PWWP2A: variants seen among roughly 807,000 people sequenced by gnomAD.
PWWP2A encodes PWWP domain-containing protein 2A.
A neutral mutation model predicts 48.5 loss-of-function variants in PWWP2A; 18 were observed. That is an observed-to-expected ratio of 0.37 (90% CI 0.26 to 0.55). The LOEUF (loss-of-function observed/expected upper bound fraction) is 0.55. Among genes scored for constraint, PWWP2A ranks in the 20% least tolerant of loss-of-function variants. PWWP2A has a pLI of 0.81. For missense variants in PWWP2A, 867 were observed against 976.4 expected (o/e 0.89, Z 1.49); for synonymous variants, 396 against 387.7 (o/e 1.02, Z -0.25).
the PWWP2A span, among the ~76,000 whole-genome samples, chr5:160,050,807 G>A: frequency 6.6e-6 from 1 of 151,716 alleles, no homozygotes; most frequent in Non-Finnish European, 1.5e-5. Flanking sequence ...TGTATTTCTT[G>A]TAGAGACAGC....
At chr5:160,079,226 C>A (rs1057336751) in intron 3 of PWWP2A, among the ~76,000 whole-genome samples, 7 of 152,070 alleles carry the variant, frequency 4.6e-5, no homozygotes, top group African/African-American at 1.7e-4. Flanking sequence ...AAACATTTCA[C>A]AGGAGGTACC....
chr5:160,055,583 C>T, the PWWP2A span, among the ~76,000 whole-genome samples: 7 of 152,244 alleles, frequency 4.6e-5, no homozygotes, highest in Non-Finnish European at 8.8e-5. Flanking sequence ...GGCATGATAT[C>T]AGGCCCTACC....
In PWWP2A at chr5:160,063,775, A is replaced by G. The variant is rs184836999; in HGVS notation, c.*237-102T>C. On this transcript the variant is annotated intron_variant and NMD_transcript_variant, in intron 4 of 5. Coordinates refer to the PWWP2A transcript ENST00000524050. ...ATTCCTAGTTTCAGATGTTCCTTAT[A>G]TCTTAAAACAGCATAAGAACTGTTT... The G allele has an allele frequency of 3.9e-5, 6 of 152,208 alleles. No individual in the cohort carries two copies. In the East Asian group the frequency reaches 7.7e-4, roughly 20 times the overall value. 9.4% of individuals were successfully genotyped at this position (152,208 alleles called of 1,614,324 possible). A position where few individuals can be genotyped will look rare whatever the true frequency, so the allele number is the denominator to read the frequency against.
At chr5:160,060,267 C>T (rs1378708412), downstream of PWWP2A, among the ~76,000 whole-genome samples, 2 of 152,202 alleles carry the variant, frequency 1.3e-5, no homozygotes, top group African/African-American at 4.8e-5. Flanking sequence ...GGGTAAACTG[C>T]CTGATGCACA....
intron 4 of PWWP2A, among the ~76,000 whole-genome samples, chr5:160,063,934 G>A (rs1048884741): frequency 3.4e-5 from 5 of 148,388 alleles, no homozygotes; most frequent in African/African-American, 1.2e-4. Context: ...GAGTCACCAT[G>A]CTTGGCAAGA....
the PWWP2A span, chr5:160,049,456 C>T: frequency 6.9e-7 from 1 of 1,439,864 alleles, no homozygotes; most frequent in East Asian, 2.4e-5. Context: ...TCTGATATAG[C>T]CAAAGATATG....
At position 160,118,849 on chromosome 5, in the gene PWWP2A, G is replaced by T; in HGVS notation, c.540C>A (p.Phe180Leu). Residue 180 changes from phenylalanine (F) to leucine (L), a missense_variant, in exon 1 of 2, where the codon TTC (phenylalanine) becomes TTA (leucine). By Grantham distance (22) the Phe-to-Leu change is conservative. Around this residue, in one of 4 missense-constraint regions of PWWP2A, gnomAD observed 385 missense variants for 396.9 expected, o/e 0.97. Coordinates refer to ENST00000307063, the MANE Select transcript of PWWP2A (RefSeq NM_001130864.2). ...IEDALVVSFR[F>L]GEKLFSGVLM... ...GGACCCCGGAGAAGAGCTTCTCCCCGAAGCGGAACGACACGACAAGCGCGT... is the reference window on the plus strand; with the variant it reads ...GGACCCCGGAGAAGAGCTTCTCCCCTAAGCGGAACGACACGACAAGCGCGT... 1 of 1,586,702 alleles carries T rather than the reference G, an allele frequency of 6.3e-7. No individual in the cohort carries two copies. Among genetic ancestry groups the T allele is most frequent in the South Asian group, 1.1e-5 (1 of 87,908 alleles).
exon 3 of PWWP2A, chr5:160,080,682 C>G (rs1419781752): frequency 1.3e-6 from 2 of 1,566,730 alleles, no homozygotes; most frequent in Non-Finnish European, 8.7e-7. Flanking sequence ...TCAATGCTCC[C>G]AGTCTGAATC....
chr5:160,062,235 C>T (rs917548364), intron 5 of PWWP2A: 10 of 152,202 alleles, frequency 6.6e-5, no homozygotes, highest in African/African-American at 1.9e-4. Context: ...TTCCTCTCGT[C>T]GGCAGTTTGA....
At chr5:160,049,940 G>A in the PWWP2A span, among the ~76,000 whole-genome samples, 2 of 152,028 alleles carry the variant, frequency 1.3e-5, no homozygotes, top group Non-Finnish European at 2.9e-5. Context: ...TTAGCCGGGT[G>A]TGGTCGTACA....
intron 1 of PWWP2A, among the ~76,000 whole-genome samples, chr5:160,097,863 G>C (rs79750225): frequency 6.6e-6 from 1 of 151,492 alleles, no homozygotes; most frequent in East Asian, 2.0e-4. Flanking sequence ...TTACAGACGC[G>C]AGCCATCACG....
chr5:160,087,342 T>C (rs77453591), downstream of PWWP2A, among the ~76,000 whole-genome samples: 2,689 of 147,596 alleles, frequency 0.018, 76 homozygotes, highest in African/African-American at 0.064. Flanking sequence ...ATCTCGCCAC[T>C]GCATTCCAGC....
intron 1 of PWWP2A, chr5:160,116,661 A>C (rs1250602523): frequency 4.1e-6 from 4 of 985,102 alleles, no homozygotes; most frequent in Non-Finnish European, 3.6e-6. Context: ...ATGAGCACTT[A>C]TCCATTCCAT....
chr5:160,119,254 A>C lies in PWWP2A; in HGVS notation c.135T>G (p.Thr45=). 1 of 1,409,834 alleles carries C rather than the reference A, an allele frequency of 7.1e-7. No homozygotes were observed. Among genetic ancestry groups the C allele is most frequent in the Non-Finnish European group, 9.2e-7 (1 of 1,092,674 alleles). 87.3% of individuals were successfully genotyped at this position (1,409,834 alleles called of 1,614,324 possible). A position where few individuals can be genotyped will look rare whatever the true frequency, so the allele number is the denominator to read the frequency against. The part of the protein sequence containing the change: ...AGTDPLPVTA[T]EASVPDGETD... ...TCTCGCCATCCGGCACAGACGCTTC[A>C]GTGGCCGTGACCGGGAGGGGGTCAG... The change falls in exon 1 of 2, where the codon ACT becomes ACG. Residue 45 remains threonine, a synonymous_variant. Coordinates refer to ENST00000307063, the MANE Select transcript of PWWP2A (RefSeq NM_001130864.2).
exon 6 of PWWP2A, chr5:160,061,883 A>G (rs1040031105): frequency 6.6e-6 from 1 of 152,402 alleles, no homozygotes; most frequent in Non-Finnish European, 1.5e-5. Context: ...CAGAGTTGGC[A>G]GACCCCTGTG....
intron 5 of PWWP2A, among the ~76,000 whole-genome samples, chr5:160,062,807 GTT>G (rs3832347): frequency 1.3e-5 from 2 of 149,860 alleles, no homozygotes; most frequent in African/African-American, 4.9e-5. Context: ...GCTTTTGATG[GTT>G]TTTTTTTTCC....
chr5:160,052,436 A>G, the PWWP2A span, among the ~76,000 whole-genome samples: 2 of 149,656 alleles, frequency 1.3e-5, no homozygotes, highest in Non-Finnish European at 3.0e-5. Context: ...GCAGTGAGCT[A>G]TGATGGTGCC....
intron 1 of PWWP2A, 66 bp downstream of exon 1, chr5:160,118,738 GC>G (rs1758401986): frequency 2.2e-6 from 3 of 1,337,022 alleles, no homozygotes; most frequent in Non-Finnish European, 2.9e-6. Context: ...GGGAGAGGGG[GC>G]CGCCCGGGCT....
chr5:160,090,723 T>C (rs960365765), downstream of PWWP2A: 25 of 952,952 alleles, frequency 2.6e-5, no homozygotes, highest in Non-Finnish European at 3.0e-5. Flanking sequence ...CTACTTCAAA[T>C]TGGATTTAGA....
Sources: allele counts gnomAD v4.1 joint callset (sites outside exome capture counted in the v4.1 genomes callset), GRCh38; gene constraint gnomAD v4.1.1; regional missense constraint gnomAD v4.1.1; transcripts MANE v1.5; gene names NCBI Gene and HGNC (gene_info 2026-07-23, HGNC 2026-07-21).